Variants in PLXNA4 observed in about 807,000 individuals in gnomAD.
PLXNA4 encodes the protein plexin A4.
A neutral mutation model predicts 191.8 loss-of-function variants in PLXNA4; 44 were observed. That is an observed-to-expected ratio of 0.23 (90% CI 0.18 to 0.29). PLXNA4 has a LOEUF of 0.29. Ranked by LOEUF, PLXNA4 falls within the 10% of genes least tolerant of loss-of-function variation. The probability of loss-of-function intolerance (pLI) is 1.00; values close to 1 mark genes in which losing one functional copy is unlikely to be tolerated. For synonymous variants in PLXNA4, 1,082 were observed against 1,009.5 expected (o/e 1.07, Z -1.36); for missense variants, 1,800 against 2,488.8 (o/e 0.72, Z 5.89).
intron 1 of PLXNA4, among the ~76,000 whole-genome samples, chr7:132,646,514 C>T (rs1803873377): frequency 1.3e-5 from 2 of 152,174 alleles, no homozygotes; most frequent in South Asian, 4.2e-4. Context: ...GAATTAGTGT[C>T]CTTATGAGAA....
intron 25 of PLXNA4, 40 bp from the exon 26 acceptor site, chr7:132,148,686 C>T (rs760474621): frequency 1.2e-6 from 2 of 1,613,130 alleles, no homozygotes; most frequent in Non-Finnish European, 1.7e-6. Context: ...GGCCCTATGA[C>T]CCCTCTTGTG....
chr7:132,179,058 G>A (rs6947174), intron 20 of PLXNA4, among the ~76,000 whole-genome samples: 3,803 of 28,958 alleles, frequency 0.13, 497 homozygotes, highest in African/African-American at 0.3. Flanking sequence ...ACACACACAC[G>A]GCCTCCAGCA....
intron 2 of PLXNA4, among the ~76,000 whole-genome samples, chr7:132,629,942 C>T (rs900075345): frequency 6.6e-6 from 1 of 152,086 alleles, no homozygotes; most frequent in Non-Finnish European, 1.5e-5. Flanking sequence ...CTCCACCTCC[C>T]GAGTTCATGC....
At chr7:132,255,879 C>A (rs1308578735) in intron 4 of PLXNA4, among the ~76,000 whole-genome samples, 2 of 152,214 alleles carry the variant, frequency 1.3e-5, no homozygotes, top group East Asian at 3.8e-4. Context: ...GTTTTATTGC[C>A]CCAGCACCTG....
intron 5 of PLXNA4, among the ~76,000 whole-genome samples, chr7:132,231,199 T>C (rs1367669615): frequency 5.9e-5 from 9 of 152,186 alleles, no homozygotes; most frequent in East Asian, 1.9e-4. Context: ...CATCTATACA[T>C]TGGGGACAAA....
chr7:132,346,365 A>T (rs918362645), intron 3 of PLXNA4, among the ~76,000 whole-genome samples: 2 of 152,206 alleles, frequency 1.3e-5, no homozygotes, highest in African/African-American at 4.8e-5. Flanking sequence ...CAAAATAAAA[A>T]CAAAGTTCAA....
intron 6 of PLXNA4, 64 bp from the exon 7 acceptor site, chr7:132,227,668 A>G (rs1461225502): frequency 6.3e-7 from 1 of 1,598,394 alleles, no homozygotes; most frequent in African/African-American, 1.3e-5. Context: ...CAGGTATGGA[A>G]TAAAAAAAGA....
chr7:132,621,105 C>A (rs1803252124), intron 2 of PLXNA4, among the ~76,000 whole-genome samples: 1 of 152,126 alleles, frequency 6.6e-6, no homozygotes, highest in Non-Finnish European at 1.5e-5. Flanking sequence ...AGGGCTTCAA[C>A]ATATGAATTT....
chr7:132,638,685 A>G (rs1254869363), intron 2 of PLXNA4, among the ~76,000 whole-genome samples: 1 of 152,040 alleles, frequency 6.6e-6, no homozygotes, highest in Non-Finnish European at 1.5e-5. Flanking sequence ...AATGCCGACC[A>G]TTTGTACCCA....
chr7:132,585,054 G>A (rs79741444), intron 2 of PLXNA4, among the ~76,000 whole-genome samples: 5,519 of 152,102 alleles, frequency 0.036, 319 homozygotes, highest in African/African-American at 0.12. Context: ...CAGACAGCTC[G>A]GTGGATCTGG....
intron 3 of PLXNA4, among the ~76,000 whole-genome samples, chr7:132,423,839 T>A (rs1243486409): frequency 6.6e-6 from 1 of 152,156 alleles, no homozygotes; most frequent in African/African-American, 2.4e-5. Context: ...GTTACTCACA[T>A]AGCAACACAT....
At chr7:132,577,530 AG>A (rs1037601986), upstream of PLXNA4, among the ~76,000 whole-genome samples, 5 of 151,610 alleles carry the variant, frequency 3.3e-5, no homozygotes, top group African/African-American at 7.3e-5. Flanking sequence ...CGGCCGGCAG[AG>A]GGGGCAGGGG....
chr7:132,227,682 T>C (rs1798376208), intron 6 of PLXNA4, 78 bp from the exon 7 acceptor site: 1 of 1,569,384 alleles, frequency 6.4e-7, no homozygotes, highest in Non-Finnish European at 8.7e-7. Context: ...AAAAAGAAAG[T>C]GGGAGAGTGA....
chr7:132,441,718 TAC>T (rs1385318430), intron 3 of PLXNA4, among the ~76,000 whole-genome samples: 4 of 152,352 alleles, frequency 2.6e-5, no homozygotes. Flanking sequence ...TTACCTATTT[TAC>T]ATTACACATT....
At chr7:132,601,622 A>C (rs537591812) in intron 2 of PLXNA4, among the ~76,000 whole-genome samples, 2 of 152,322 alleles carry the variant, frequency 1.3e-5, no homozygotes, top group African/African-American at 2.4e-5. Flanking sequence ...GAACAAGATA[A>C]AGTGCCTGGG....
At chr7:132,373,511 G>C (rs1215320062) in intron 3 of PLXNA4, among the ~76,000 whole-genome samples, 1 of 152,198 alleles carries the variant, frequency 6.6e-6, no homozygotes, top group African/African-American at 2.4e-5. Context: ...CCTGGACTAA[G>C]GGCTGTAGAT....
intron 21 of PLXNA4, 65 bp downstream of exon 21, chr7:132,174,713 G>T: frequency 6.3e-7 from 1 of 1,583,164 alleles, no homozygotes; most frequent in Middle Eastern, 1.7e-4. Context: ...GAAAGAAGGG[G>T]CTGGACTTGA....
chr7:132,617,808 C>A (rs186641711), intron 2 of PLXNA4, among the ~76,000 whole-genome samples: 13 of 152,264 alleles, frequency 8.5e-5, no homozygotes, highest in Admixed American at 8.5e-4. Context: ...TCTCCAGCTA[C>A]CAGAATAGAA....
At chr7:132,634,049 T>A (rs946992073) in intron 2 of PLXNA4, among the ~76,000 whole-genome samples, 1 of 152,008 alleles carries the variant, frequency 6.6e-6, no homozygotes, top group African/African-American at 2.4e-5. Context: ...CCCTGTGGTC[T>A]AAGAAGAGTG....
Sources: allele counts gnomAD v4.1 joint callset (sites outside exome capture counted in the v4.1 genomes callset), GRCh38; gene constraint gnomAD v4.1.1; transcripts MANE v1.5; gene names NCBI Gene and HGNC (gene_info 2026-07-23, HGNC 2026-07-21).